The following GRIK4 variants were observed in gnomAD, a reference collection of about 807,000 sequenced individuals.
The protein encoded by GRIK4 is glutamate receptor ionotropic, kainate 4.
Under a neutral mutation model 104.9 loss-of-function variants are expected in GRIK4, and 40 were observed. That is an observed-to-expected ratio of 0.38 (90% CI 0.30 to 0.50). GRIK4 has a LOEUF of 0.50. Among genes scored for constraint, GRIK4 ranks in the 20% least tolerant of loss-of-function variants. The probability of loss-of-function intolerance (pLI) is 0.93; values close to 1 mark genes in which losing one functional copy is unlikely to be tolerated. For synonymous variants in GRIK4, 485 were observed against 524.9 expected (o/e 0.92, Z 1.04); for missense variants, 1,047 against 1,308.1 (o/e 0.80, Z 3.08).
chr11:120,904,434 C>T (rs112590840), intron 12 of GRIK4, among the ~76,000 whole-genome samples: 66 of 152,358 alleles, frequency 4.3e-4, no homozygotes, highest in African/African-American at 1.5e-3. Context: ...TCCAATCCAA[C>T]CTGCAGCCCA....
intron 20 of GRIK4, among the ~76,000 whole-genome samples, chr11:120,984,784 CA>C (rs1944711070): frequency 7.5e-6 from 1 of 133,142 alleles, no homozygotes; most frequent in Non-Finnish European, 1.6e-5. Flanking sequence ...AAACCAAAAA[CA>C]AACAAACAAA....
intron 1 of GRIK4, among the ~76,000 whole-genome samples, chr11:120,636,881 C>G (rs946306750): frequency 9.9e-5 from 15 of 152,072 alleles, no homozygotes; most frequent in African/African-American, 3.6e-4. Flanking sequence ...TCTCTGGGCT[C>G]TGGCCTCCAC....
At chr11:120,923,618 T>C (rs1943274735) in intron 13 of GRIK4, among the ~76,000 whole-genome samples, 1 of 152,026 alleles carries the variant, frequency 6.6e-6, no homozygotes, top group South Asian at 2.1e-4. Context: ...TTTCACCCTG[T>C]TAGCCAGGAT....
At chr11:120,595,886 G>T (rs1459123441) in intron 1 of GRIK4, among the ~76,000 whole-genome samples, 2 of 152,216 alleles carry the variant, frequency 1.3e-5, no homozygotes, top group African/African-American at 2.4e-5. Flanking sequence ...TTGCTCTGTT[G>T]CCTGGGCTGG....
intron 3 of GRIK4, among the ~76,000 whole-genome samples, chr11:120,754,484 TAATC>T (rs1264379822): frequency 6.6e-6 from 1 of 152,252 alleles, no homozygotes; most frequent in Admixed American, 6.5e-5. Flanking sequence ...TTTTATTTGT[TAATC>T]AGTTCATAGA....
intron 13 of GRIK4, among the ~76,000 whole-genome samples, chr11:120,914,311 T>G (rs1424385102): frequency 6.6e-6 from 1 of 152,192 alleles, no homozygotes; most frequent in African/African-American, 2.4e-5. Flanking sequence ...AGGTATGAAG[T>G]GCTTCCTATG....
intron 1 of GRIK4, among the ~76,000 whole-genome samples, chr11:120,522,113 G>C (rs948185631): frequency 6.6e-6 from 1 of 152,192 alleles, no homozygotes; most frequent in African/African-American, 2.4e-5. Flanking sequence ...ATAGAGCCGG[G>C]ATATGAACTA....
At chr11:120,680,989 G>A (rs1249257486) in intron 3 of GRIK4, among the ~76,000 whole-genome samples, 1 of 152,114 alleles carries the variant, frequency 6.6e-6, no homozygotes, top group Non-Finnish European at 1.5e-5. Context: ...CATCACAGGG[G>A]CCCCTGCACT....
intron 19 of GRIK4, among the ~76,000 whole-genome samples, chr11:120,979,959 C>T (rs773686208): frequency 1.9e-5 from 2 of 108,002 alleles, no homozygotes; most frequent in African/African-American, 3.1e-5. Flanking sequence ...CTCAGCCTTC[C>T]GAGTAGCTGG....
intron 1 of GRIK4, among the ~76,000 whole-genome samples, chr11:120,525,132 TCCCTGGGAAGGGG>T (rs1339949677): frequency 6.6e-6 from 1 of 151,950 alleles, no homozygotes; most frequent in East Asian, 1.9e-4. Flanking sequence ...GGCACTGGAC[TCCCTGGGAAGGGG>T]CGCTGGGAAG....
chr11:120,897,601 CAAAAA>C (rs56807699), intron 11 of GRIK4, among the ~76,000 whole-genome samples: 927 of 13,030 alleles, frequency 0.071, 20 homozygotes, highest in East Asian at 0.23. Context: ...GACTCCTTCT[CAAAAA>C]AAAAAAAAAA....
chr11:120,961,097 C>G, intron 17 of GRIK4, 23 bp downstream of exon 17: 2 of 1,606,482 alleles, frequency 1.2e-6, no homozygotes, highest in Non-Finnish European at 1.7e-6. Flanking sequence ...TGGTTGCTCA[C>G]CAGCATCGGG....
At chr11:120,619,105 A>G (rs1359956015) in intron 1 of GRIK4, among the ~76,000 whole-genome samples, 1 of 152,210 alleles carries the variant, frequency 6.6e-6, no homozygotes, top group African/African-American at 2.4e-5. Flanking sequence ...CTGCAGAGCC[A>G]CAAGAGGAGA....
chr11:120,705,867 C>A (rs760385667), intron 3 of GRIK4, among the ~76,000 whole-genome samples: 14 of 152,174 alleles, frequency 9.2e-5, no homozygotes, highest in Non-Finnish European at 1.8e-4. Context: ...TCATATCCCG[C>A]AAATTTGCAG....
At chr11:120,680,523 CTA>C (rs903611103) in intron 3 of GRIK4, among the ~76,000 whole-genome samples, 15 of 152,332 alleles carry the variant, frequency 9.8e-5, no homozygotes, top group Admixed American at 6.5e-4. Flanking sequence ...AAGGCAAAGA[CTA>C]TGTCTCATTA....
At chr11:120,796,668 G>T (rs1394688776) in intron 3 of GRIK4, among the ~76,000 whole-genome samples, 1 of 152,140 alleles carries the variant, frequency 6.6e-6, no homozygotes, top group African/African-American at 2.4e-5. Flanking sequence ...GCCAGTCCAG[G>T]ACTGTACATG....
chr11:120,554,595 G>A (rs1948170384), intron 1 of GRIK4, among the ~76,000 whole-genome samples: 1 of 150,256 alleles, frequency 6.7e-6, no homozygotes, highest in Non-Finnish European at 1.5e-5. Context: ...AGCTCGCCCT[G>A]TCGCCCAGGC....
In GRIK4 at chr11:120,924,270, G is replaced by T. The variant is rs577286117; in HGVS notation, c.1477-16077G>T. Among the ~76,000 whole-genome samples the T allele has an allele frequency of 2.6e-5, 4 of 152,224 alleles. No homozygotes were observed. In the East Asian group the frequency reaches 7.7e-4, roughly 29 times the overall value. ...AGGAGGTTGGCCAGGCCTGAGTGTG[G>T]CTCCCTTGCGTGTGTGAGGTCACCG... On this transcript the variant is annotated intron_variant, in intron 13 of 20. Transcript: ENST00000527524.
At chr11:120,617,428 T>C (rs574818697) in intron 1 of GRIK4, among the ~76,000 whole-genome samples, 3 of 152,232 alleles carry the variant, frequency 2.0e-5, no homozygotes, top group East Asian at 3.9e-4. Flanking sequence ...TGCCCAGGCT[T>C]GAGTGCAATG....
Sources: allele counts gnomAD v4.1 joint callset (sites outside exome capture counted in the v4.1 genomes callset), GRCh38; gene constraint gnomAD v4.1.1; transcripts MANE v1.5; gene names NCBI Gene and HGNC (gene_info 2026-07-23, HGNC 2026-07-21).